CDKL1: variants seen among roughly 807,000 people sequenced by gnomAD.
CDKL1 encodes the protein cyclin dependent kinase like 1.
CDKL1 carries 41 observed loss-of-function variants against 42.0 expected under a neutral mutation model. The observed-to-expected ratio is 0.98, with a 90% confidence interval of 0.76 to 1.27. The LOEUF (loss-of-function observed/expected upper bound fraction) is 1.27, where lower values mean the gene tolerates loss of function less well. Among genes scored for constraint, CDKL1 ranks in the 50% most tolerant of loss-of-function variants. The pLI is 0.00. For missense variants in CDKL1, 394 were observed against 428.4 expected (o/e 0.92, Z 0.71); for synonymous variants, 153 against 158.6 (o/e 0.96, Z 0.26).
At chr14:50,367,010 C>T (rs187987204) in intron 2 of CDKL1, among the ~76,000 whole-genome samples, 1 of 152,212 alleles carries the variant, frequency 6.6e-6, no homozygotes, top group East Asian at 1.9e-4. Flanking sequence ...TAAGCGAAGC[C>T]ATAGACAGAG....
Position 50,356,897 on chromosome 14 carries a change from TA to T in CDKL1, c.290+2130del, listed in dbSNP as rs1455132224. Among the ~76,000 whole-genome samples the T allele has an allele frequency of 2.0e-5, 3 of 152,206 alleles. No homozygotes were observed. The East Asian group carries it at 5.8e-4, about 29-fold the overall frequency. Reference sequence around the variant, plus strand: ...AACATATTTTGGCCAGTGGAGTTTTTAAAAATCTGCTTTCAAACTGTAATCA... The same window carrying T: ...AACATATTTTGGCCAGTGGAGTTTTTAAAATCTGCTTTCAAACTGTAATCA... On this transcript the variant is annotated intron_variant, in intron 3 of 9. Transcript: ENST00000395834.
At position 50,341,092 on chromosome 14, in the gene CDKL1, C is replaced by A; in HGVS notation, c.595G>T (p.Val199Leu). The A allele has an allele frequency of 6.2e-7, 1 of 1,614,200 alleles. No homozygotes were observed. The highest frequency in any genetic ancestry group is 8.5e-7 in the Non-Finnish European group (1 of 1,180,042). The change falls in exon 6 of 10, where the codon GTG (valine) becomes TTG (leucine). Residue 199 changes from valine to leucine, a missense_variant. By Grantham distance (32) the Val-to-Leu change is conservative (BLOSUM62 1). Transcript: ENST00000395834. ...GCVFAELLSG[V>L]PLWPGKSDVD... ...TCCGATTTTCCTGGCCACAGAGGCA[C>A]TCCTGACAGCAGCTCAGCAAAGACA...
chr14:50,367,168 C>T (rs774282997), intron 2 of CDKL1, among the ~76,000 whole-genome samples: 8 of 152,154 alleles, frequency 5.3e-5, no homozygotes, highest in African/African-American at 1.4e-4. Context: ...GCAGAGCAGG[C>T]GCCATGGGGG....
At chr14:50,353,644 C>T (rs1169386388) in intron 3 of CDKL1, among the ~76,000 whole-genome samples, 1 of 152,052 alleles carries the variant, frequency 6.6e-6, no homozygotes, top group South Asian at 2.1e-4. Context: ...ACTAAGAAAT[C>T]ATGGTATATT....
chr14:50,335,336 A>C (rs1420429631), intron 7 of CDKL1: 1 of 560,334 alleles, frequency 1.8e-6, no homozygotes, highest in Non-Finnish European at 3.0e-6. Flanking sequence ...CTCTAATTCT[A>C]ATTATATAAA....
chr14:50,370,551 A>G (rs2034562340), intron 2 of CDKL1, among the ~76,000 whole-genome samples: 1 of 152,166 alleles, frequency 6.6e-6, no homozygotes. Context: ...GCTTCTAAGA[A>G]TGTATTAGGC....
At chr14:50,351,351 G>A (rs2033895265) in intron 3 of CDKL1, among the ~76,000 whole-genome samples, 1 of 151,936 alleles carries the variant, frequency 6.6e-6, no homozygotes, top group African/African-American at 2.4e-5. Flanking sequence ...GAGGTTTAAA[G>A]GCCAGACATT....
intron 5 of CDKL1, among the ~76,000 whole-genome samples, chr14:50,341,467 G>A (rs571426068): frequency 3.4e-5 from 5 of 145,196 alleles, no homozygotes; most frequent in South Asian, 2.3e-4. Context: ...GGGGGGGGGG[G>A]GGGGGTTATT....
chr14:50,373,415 C>T (rs2034641496), intron 2 of CDKL1, among the ~76,000 whole-genome samples: 2 of 152,154 alleles, frequency 1.3e-5, no homozygotes, highest in South Asian at 2.1e-4. Flanking sequence ...AGAGAAACAA[C>T]GTGATGCCAT....
At chr14:50,345,319 A>G (rs1345240381) in intron 3 of CDKL1, among the ~76,000 whole-genome samples, 7 of 152,248 alleles carry the variant, frequency 4.6e-5, no homozygotes, top group Non-Finnish European at 8.8e-5. Flanking sequence ...AGGGATTTCA[A>G]CAAGTATTTA....
intron 2 of CDKL1, chr14:50,363,041 G>A (rs577638220): frequency 1.3e-4 from 56 of 434,758 alleles, no homozygotes; most frequent in African/African-American, 8.3e-4. Context: ...GAACCCACTG[G>A]GAGGAAAGAA....
intron 2 of CDKL1, among the ~76,000 whole-genome samples, chr14:50,390,800 C>T (rs2035235225): frequency 6.6e-6 from 1 of 152,190 alleles, no homozygotes; most frequent in South Asian, 2.1e-4. Flanking sequence ...CACGACAGGG[C>T]CTGTGATGCT....
chr14:50,356,353 C>T (rs1459486247), intron 3 of CDKL1, among the ~76,000 whole-genome samples: 2 of 152,158 alleles, frequency 1.3e-5, no homozygotes, highest in Non-Finnish European at 2.9e-5. Context: ...CAAGGTCACA[C>T]AGATAATGCT....
intron 2 of CDKL1, among the ~76,000 whole-genome samples, chr14:50,359,699 T>C (rs2034178340): frequency 6.6e-6 from 1 of 151,748 alleles, no homozygotes; most frequent in Non-Finnish European, 1.5e-5. Flanking sequence ...TTTATCAAAA[T>C]TGTGTTGTTG....
chr14:50,388,224 T>C (rs1357640954), intron 2 of CDKL1, among the ~76,000 whole-genome samples: 1 of 152,206 alleles, frequency 6.6e-6, no homozygotes, highest in Non-Finnish European at 1.5e-5. Flanking sequence ...CTCCTTCAAC[T>C]AATATTTGAA....
In CDKL1 at chr14:50,395,596, G is replaced by C. The variant is rs2035373401; in HGVS notation, c.168+105C>G. The C allele has an allele frequency of 9.4e-6, 7 of 745,480 alleles. No individual in the cohort carries two copies. In the Admixed American group the frequency reaches 1.9e-4, roughly 20 times the overall value. The allele number at this position is 745,480 out of a possible 1,614,324, so 46.2% of individuals were successfully genotyped here. On this transcript the variant is annotated intron_variant, in intron 2 of 9. Coordinates refer to ENST00000395834, the MANE Select transcript of CDKL1 (RefSeq NM_004196.7). ...GCAGAAGCATGGCTTGAGCCCAGGA[G>C]TTCCAGGCTGCTGTGAGCTATGATC...
chr14:50,396,016 C>T lies in CDKL1; in HGVS notation c.-148G>A, dbSNP rs1217616517. 3 of 1,000,610 alleles carry T rather than the reference C, an allele frequency of 3.0e-6. No individual in the cohort carries two copies. In the African/African-American group the frequency reaches 4.9e-5, roughly 16 times the overall value. 62.0% of individuals were successfully genotyped at this position (1,000,610 alleles called of 1,614,324 possible). A position where few individuals can be genotyped will look rare whatever the true frequency, so the allele number is the denominator to read the frequency against. ...TCTGGCCAACATACTGAAACTCCGT[C>T]TCTACTAAAGATACAAAAAATTAGC... On this transcript the variant is annotated 5_prime_UTR_variant, in exon 2 of 10. Transcript: ENST00000395834.
intron 2 of CDKL1, among the ~76,000 whole-genome samples, chr14:50,377,323 G>A (rs562104932): frequency 3.8e-4 from 58 of 152,242 alleles, no homozygotes; most frequent in African/African-American, 1.3e-3. Flanking sequence ...TGGGGGACAG[G>A]GTGCTTCAGT....
intron 2 of CDKL1, among the ~76,000 whole-genome samples, chr14:50,364,568 T>G (rs894675916): frequency 3.9e-5 from 6 of 152,110 alleles, no homozygotes; most frequent in African/African-American, 1.5e-4. Context: ...TCTTTCCAAT[T>G]TTTTGCTATT....
Sources: allele counts gnomAD v4.1 joint callset (sites outside exome capture counted in the v4.1 genomes callset), GRCh38; gene constraint gnomAD v4.1.1; transcripts MANE v1.5; gene names NCBI Gene and HGNC (gene_info 2026-07-23, HGNC 2026-07-21).